Variants in RGS8 observed in about 807,000 individuals in gnomAD.
RGS8 encodes the protein regulator of G protein signaling 8, also known as regulator of G-protein signaling 8.
In RGS8, 8 loss-of-function variants were observed where a neutral mutation model predicts 21.7. That is an observed-to-expected ratio of 0.37 (90% CI 0.22 to 0.66). The LOEUF is 0.66. Among genes scored for constraint, RGS8 ranks in the 30% least tolerant of loss-of-function variants. The pLI, the probability that RGS8 is intolerant of heterozygous loss-of-function variation, is 0.59. For missense variants in RGS8, 157 were observed against 217.9 expected (o/e 0.72, Z 1.76); for synonymous variants, 80 against 83.6 (o/e 0.96, Z 0.24).
chr1:182,747,185 C>T, the RGS8 span, among the ~76,000 whole-genome samples: 1 of 150,586 alleles, frequency 6.6e-6, no homozygotes, highest in African/African-American at 2.4e-5. Context: ...CAGGCCTGAG[C>T]CACCATTCCT....
At chr1:182,702,742 G>A in the RGS8 span, among the ~76,000 whole-genome samples, 1 of 152,108 alleles carries the variant, frequency 6.6e-6, no homozygotes, top group South Asian at 2.1e-4. Flanking sequence ...TAACCCCTAA[G>A]TGATAATAAT....
rs1663881962 is a variant in RGS8, at chr1:182,666,747, A to T, written c.128+125T>A. 4 of 698,496 alleles carry T rather than the reference A, an allele frequency of 5.7e-6. No homozygotes were observed. In the Admixed American group the frequency reaches 8.1e-5, roughly 14 times the overall value. 43.3% of individuals were successfully genotyped at this position (698,496 alleles called of 1,614,324 possible). A position where few individuals can be genotyped will look rare whatever the true frequency, so the allele number is the denominator to read the frequency against. ...ACATTCCTTTCACTCACGTCCAGGG[A>T]TATAAAAGGAGCTGCCAAGAGACAG... On this transcript the variant is annotated intron_variant, in intron 4 of 6. Coordinates refer to ENST00000483095, the Ensembl canonical transcript of RGS8.
the RGS8 span, among the ~76,000 whole-genome samples, chr1:182,708,450 G>A: frequency 6.6e-6 from 1 of 152,212 alleles, no homozygotes; most frequent in Admixed American, 6.5e-5. Flanking sequence ...TGTCTACAGA[G>A]GCACACCTGG....
At chr1:182,751,976 GC>G in the RGS8 span, among the ~76,000 whole-genome samples, 7 of 151,934 alleles carry the variant, frequency 4.6e-5, no homozygotes, top group South Asian at 1.5e-3. Context: ...CCTCACAGGC[GC>G]CGCGGTTCCT....
chr1:182,726,585 G>A, the RGS8 span, among the ~76,000 whole-genome samples: 8 of 151,810 alleles, frequency 5.3e-5, no homozygotes, highest in African/African-American at 1.5e-4. Flanking sequence ...CAGGAGAATC[G>A]CTTGAACCCG....
chr1:182,683,627 C>CAAAAAA (rs397863359), intron 1 of RGS8, among the ~76,000 whole-genome samples: 1 of 60,674 alleles, frequency 1.6e-5, no homozygotes, highest in African/African-American at 5.2e-5. Context: ...TCCCAGTGCT[C>CAAAAAA]AAAAAAAAAA....
chr1:182,689,301 A>G (rs1480181235), upstream of RGS8, among the ~76,000 whole-genome samples: 1 of 139,268 alleles, frequency 7.2e-6, no homozygotes, highest in East Asian at 2.0e-4. Flanking sequence ...ACACACACAC[A>G]CACACCCCAC....
intron 5 of RGS8, among the ~76,000 whole-genome samples, chr1:182,662,802 G>A (rs937424165): frequency 1.6e-4 from 24 of 152,188 alleles, no homozygotes; most frequent in Non-Finnish European, 3.1e-4. Flanking sequence ...GATGGACTGT[G>A]CCTTGTTCAT....
the RGS8 span, among the ~76,000 whole-genome samples, chr1:182,703,538 A>T: frequency 6.6e-6 from 1 of 152,114 alleles, no homozygotes; most frequent in African/African-American, 2.4e-5. Flanking sequence ...TTGTGACTTT[A>T]TTTTGTCCTA....
chr1:182,692,438 T>C, the RGS8 span, among the ~76,000 whole-genome samples: 1 of 151,888 alleles, frequency 6.6e-6, no homozygotes, highest in Non-Finnish European at 1.5e-5. Context: ...ATCTCTACAA[T>C]AGGAATTACA....
At chr1:182,661,808 TCACACACACACACA>T (rs71127312) in intron 5 of RGS8, among the ~76,000 whole-genome samples, 17 of 132,460 alleles carry the variant, frequency 1.3e-4, no homozygotes, top group Admixed American at 5.3e-4. Context: ...GTACACACAT[TCACACACACACACA>T]CACACACACA....
intron 5 of RGS8, among the ~76,000 whole-genome samples, chr1:182,657,538 T>TC (rs1234500594): frequency 6.6e-6 from 1 of 151,360 alleles, no homozygotes; most frequent in Non-Finnish European, 1.5e-5. Context: ...GCAACTGAAG[T>TC]CCCCCCGCCC....
At chr1:182,703,232 A>G in the RGS8 span, among the ~76,000 whole-genome samples, 2 of 152,212 alleles carry the variant, frequency 1.3e-5, no homozygotes, top group African/African-American at 4.8e-5. Context: ...TTCTCCTGCA[A>G]CCCAAATTTC....
chr1:182,677,916 G>A (rs1237279610), upstream of RGS8, among the ~76,000 whole-genome samples: 4 of 152,126 alleles, frequency 2.6e-5, no homozygotes, highest in South Asian at 2.1e-4. Context: ...GTGCTGCCTC[G>A]CAGACAATGG....
downstream of RGS8, chr1:182,645,402 T>C (rs1323649773): frequency 6.6e-6 from 1 of 152,262 alleles, no homozygotes; most frequent in African/African-American, 2.4e-5. Context: ...TCCTGGGCAC[T>C]AGTCTTGTGC....
At chr1:182,678,407 C>T (rs554966122) in intron 1 of RGS8, among the ~76,000 whole-genome samples, 1 of 152,276 alleles carries the variant, frequency 6.6e-6, no homozygotes, top group South Asian at 2.1e-4. Flanking sequence ...TTTTTCTCCC[C>T]TTGAATAAAT....
At chr1:182,735,577 C>T in the RGS8 span, among the ~76,000 whole-genome samples, 2 of 152,216 alleles carry the variant, frequency 1.3e-5, no homozygotes, top group African/African-American at 2.4e-5. Context: ...ATAAGCAGGG[C>T]GCTATGGCAG....
chr1:182,726,200 A>G, the RGS8 span, among the ~76,000 whole-genome samples: 1 of 151,418 alleles, frequency 6.6e-6, no homozygotes, highest in Non-Finnish European at 1.5e-5. Context: ...AAAAAAAAAA[A>G]CTTCAGGTTT....
the RGS8 span, among the ~76,000 whole-genome samples, chr1:182,744,478 G>A: frequency 6.6e-6 from 1 of 152,284 alleles, no homozygotes; most frequent in Admixed American, 6.5e-5. Context: ...TAAAGTTTCA[G>A]TCAACATTAG....
Sources: gnomAD v4.1 joint callset for allele counts (sites outside exome capture counted in the v4.1 genomes callset) on GRCh38, gnomAD v4.1.1 for gene constraint, MANE v1.5 for transcripts, NCBI Gene and HGNC (gene_info 2026-07-23, HGNC 2026-07-21) for gene names.